FGF14: variants seen among roughly 807,000 people sequenced by gnomAD.
FGF14 encodes fibroblast growth factor homologous factor 4.
Under a neutral mutation model 25.5 loss-of-function variants are expected in FGF14, and 5 were observed. The observed-to-expected ratio is 0.20, with a 90% confidence interval of 0.10 to 0.41. The LOEUF (loss-of-function observed/expected upper bound fraction) is 0.41, where lower values mean the gene tolerates loss of function less well. FGF14 is among the 10% of genes least tolerant of loss of function. The pLI is 1.00. For missense variants in FGF14, 222 were observed against 320.1 expected (o/e 0.69, Z 2.34); for synonymous variants, 138 against 118.3 (o/e 1.17, Z -1.08).
intron 1 of FGF14, among the ~76,000 whole-genome samples, chr13:102,164,480 CTGCCTGAA>C (rs1456642861): frequency 6.6e-6 from 1 of 152,120 alleles, no homozygotes; most frequent in Admixed American, 6.6e-5. Context: ...GAAATTTCTT[CTGCCTGAA>C]TGGGATGGAT....
At chr13:102,011,713 T>C (rs555633661) in intron 1 of FGF14, among the ~76,000 whole-genome samples, 1 of 152,300 alleles carries the variant, frequency 6.6e-6, no homozygotes, top group South Asian at 2.1e-4. Context: ...AGAGGGTTTC[T>C]GGAAGGATCA....
At chr13:102,051,271 T>A (rs1229460411) in intron 1 of FGF14, among the ~76,000 whole-genome samples, 2 of 152,192 alleles carry the variant, frequency 1.3e-5, no homozygotes, top group Non-Finnish European at 2.9e-5. Flanking sequence ...GTGATCTCAT[T>A]TCCAGATCTC....
chr13:102,150,506 C>T (rs2047038171), intron 1 of FGF14, among the ~76,000 whole-genome samples: 1 of 152,170 alleles, frequency 6.6e-6, no homozygotes, highest in Non-Finnish European at 1.5e-5. Context: ...AGTCACACCT[C>T]TCACTCCATG....
chr13:102,154,067 T>C (rs189208374), intron 1 of FGF14, among the ~76,000 whole-genome samples: 5 of 152,334 alleles, frequency 3.3e-5, no homozygotes, highest in South Asian at 2.1e-4. Flanking sequence ...GTATTCTATA[T>C]GGTATCCACG....
chr13:102,261,303 T>C (rs1365272641), intron 1 of FGF14, among the ~76,000 whole-genome samples: 2 of 152,224 alleles, frequency 1.3e-5, no homozygotes, highest in African/African-American at 4.8e-5. Context: ...TAAGTTTTAA[T>C]TCAGCTTGGT....
chr13:102,173,592 G>A (rs964894704), intron 1 of FGF14, among the ~76,000 whole-genome samples: 8 of 152,080 alleles, frequency 5.3e-5, no homozygotes, highest in South Asian at 4.1e-4. Flanking sequence ...GTCCATCAAC[G>A]GGTGAATAAA....
chr13:102,149,578 G>A (rs899068868), intron 1 of FGF14, among the ~76,000 whole-genome samples: 1 of 152,254 alleles, frequency 6.6e-6, no homozygotes, highest in Non-Finnish European at 1.5e-5. Flanking sequence ...CCTCATGGAA[G>A]AGTCAGGTAG....
intron 1 of FGF14, among the ~76,000 whole-genome samples, chr13:102,053,615 C>G (rs1284726128): frequency 1.3e-5 from 2 of 152,072 alleles, no homozygotes; most frequent in Non-Finnish European, 2.9e-5. Context: ...ATGCCTACAT[C>G]AAGAAAATAA....
intron 1 of FGF14, among the ~76,000 whole-genome samples, chr13:102,101,812 C>T (rs1315570316): frequency 1.3e-5 from 2 of 152,140 alleles, no homozygotes; most frequent in African/African-American, 4.8e-5. Flanking sequence ...TCAAGCGATT[C>T]CCCTGCCTCA....
At chr13:101,926,060 G>A (rs1260289467) in intron 1 of FGF14, among the ~76,000 whole-genome samples, 3 of 152,142 alleles carry the variant, frequency 2.0e-5, no homozygotes, top group Non-Finnish European at 4.4e-5. Flanking sequence ...TAATCCAGGG[G>A]AATCTCCCCA....
chr13:102,358,907 A>G lies in FGF14; in HGVS notation c.208+42564T>C, dbSNP rs142812230. 2.7e-3 allele frequency among the ~76,000 whole-genome samples: 417 copies of G among 152,294 alleles called. 2 individuals carry two copies. Among genetic ancestry groups the G allele is most frequent in the Admixed American group, 4.5e-3 (69 of 15,290 alleles). On this transcript the variant is annotated intron_variant, in intron 1 of 4. Transcript: ENST00000376131. ...CACCACTATTCATAATAGTGAATACATGGAATCTACCCAAATGTCCATCAG... is the reference window on the plus strand; with the variant it reads ...CACCACTATTCATAATAGTGAATACGTGGAATCTACCCAAATGTCCATCAG...
chr13:102,191,124 G>A (rs547040245), intron 1 of FGF14, among the ~76,000 whole-genome samples: 4 of 152,232 alleles, frequency 2.6e-5, no homozygotes, highest in South Asian at 2.1e-4. Context: ...TTACTTGACC[G>A]GACTCAGAGA....
intron 1 of FGF14, among the ~76,000 whole-genome samples, chr13:102,090,411 G>C (rs1196944944): frequency 1.3e-5 from 2 of 152,154 alleles, no homozygotes; most frequent in Non-Finnish European, 2.9e-5. Flanking sequence ...CTGTGTCTTA[G>C]GTAAGTTCCA....
Position 101,722,918 on chromosome 13 carries a change from C to T in FGF14, c.657G>A (p.Pro219=), listed in dbSNP as rs777271756. 14 of 1,613,140 alleles carry T rather than the reference C, an allele frequency of 8.7e-6. No individual in the cohort carries two copies. Among genetic ancestry groups the T allele is most frequent in the Middle Eastern group, 1.6e-4 (1 of 6,074 alleles). Residue 219 remains proline, a synonymous_variant, in exon 5 of 5, where the codon CCG becomes CCA. Coordinates refer to ENST00000376143, the MANE Select transcript of FGF14 (RefSeq NM_004115.4). ...TTTTACTTGGCGTCACCCCAGGCTT[C>T]GGGACCGTTTCCCCAACATCATGCA... ...PSLHDVGETV[P]KPGVTPSKST...
intron 1 of FGF14, among the ~76,000 whole-genome samples, chr13:102,014,791 C>T (rs1007821790): frequency 6.6e-6 from 1 of 152,030 alleles, no homozygotes; most frequent in Admixed American, 6.6e-5. Context: ...TTATATTAAT[C>T]GCCATGGTTC....
chr13:102,301,239 A>G (rs1389761211), intron 1 of FGF14, among the ~76,000 whole-genome samples: 1 of 152,216 alleles, frequency 6.6e-6, no homozygotes, highest in African/African-American at 2.4e-5. Flanking sequence ...AGCCTTGCTG[A>G]TATATCTATA....
intron 1 of FGF14, among the ~76,000 whole-genome samples, chr13:102,117,298 C>A (rs1474629099): frequency 6.6e-6 from 1 of 152,154 alleles, no homozygotes; most frequent in Admixed American, 6.5e-5. Flanking sequence ...CCTCACATAG[C>A]CCAACTCTAG....
intron 3 of FGF14, chr13:101,868,424 T>G (rs191937953): frequency 4.4e-4 from 111 of 249,954 alleles, no homozygotes; most frequent in African/African-American, 1.6e-3. Flanking sequence ...TATAAGAAAC[T>G]CTCTAAGATA....
At chr13:102,139,050 T>C (rs2046526563) in intron 1 of FGF14, among the ~76,000 whole-genome samples, 1 of 152,212 alleles carries the variant, frequency 6.6e-6, no homozygotes. Flanking sequence ...TTGCTACAAG[T>C]TCCATGTAAA....
Sources: allele counts gnomAD v4.1 joint callset (sites outside exome capture counted in the v4.1 genomes callset), GRCh38; gene constraint gnomAD v4.1.1; transcripts MANE v1.5; gene names NCBI Gene and HGNC (gene_info 2026-07-23, HGNC 2026-07-21).